Variants in CMSS1 observed in about 807,000 individuals in gnomAD.
CMSS1 encodes the protein protein CMSS1.
Under a neutral mutation model 43.5 loss-of-function variants are expected in CMSS1, and 33 were observed. The observed-to-expected ratio is 0.76, with a 90% CI of 0.57 to 1.01. The LOEUF (loss-of-function observed/expected upper bound fraction) is 1.01, where lower values mean the gene tolerates loss of function less well. Ranked by LOEUF, CMSS1 falls within the 50% of genes least tolerant of loss-of-function variation. The probability of loss-of-function intolerance (pLI) is 0.00; values close to 1 mark genes in which losing one functional copy is unlikely to be tolerated. For synonymous variants in CMSS1, 115 were observed against 117.2 expected, an observed-to-expected ratio of 0.98 and a Z score of 0.12; for missense variants, 313 against 326.4, an observed-to-expected ratio of 0.96 and a Z score of 0.32.
chr3:100,114,812 T>G (rs893141960), intron 1 of CMSS1: 2 of 590,010 alleles, frequency 3.4e-6, no homozygotes, highest in African/African-American at 3.8e-5. Context: ...TAAGCCTTGT[T>G]TGTGATTTAA....
chr3:100,094,947 C>G (rs2066178547), intron 1 of CMSS1, among the ~76,000 whole-genome samples: 1 of 152,082 alleles, frequency 6.6e-6, no homozygotes, highest in African/African-American at 2.4e-5. Context: ...CTCGGCCTCC[C>G]AAAGTGCTGG....
intron 1 of CMSS1, among the ~76,000 whole-genome samples, chr3:100,137,606 A>G (rs1401134470): frequency 2.7e-5 from 4 of 149,916 alleles, no homozygotes; most frequent in African/African-American, 9.9e-5. Context: ...TTTGTCGCCC[A>G]GGCTGGAGTG....
At chr3:100,087,832 C>CTTTT (rs755041519) in intron 1 of CMSS1, among the ~76,000 whole-genome samples, 45 of 114,098 alleles carry the variant, frequency 3.9e-4, no homozygotes, top group African/African-American at 7.1e-4. Flanking sequence ...ATTGTTTCAA[C>CTTTT]TTTTTTTTTT....
chr3:100,039,255 CA>C (rs1478868566), intron 1 of CMSS1, among the ~76,000 whole-genome samples: 2 of 152,242 alleles, frequency 1.3e-5, no homozygotes, highest in Middle Eastern at 3.4e-3. Context: ...AACTTGACCT[CA>C]AAAAACTGAG....
intron 1 of CMSS1, among the ~76,000 whole-genome samples, chr3:100,068,899 G>C (rs1017921558): frequency 6.6e-6 from 1 of 152,164 alleles, no homozygotes; most frequent in Non-Finnish European, 1.5e-5. Context: ...GAATTCACAG[G>C]TACCACTCCC....
intron 1 of CMSS1, among the ~76,000 whole-genome samples, chr3:99,918,176 C>T (rs1292940644): frequency 1.3e-5 from 2 of 152,136 alleles, no homozygotes; most frequent in Admixed American, 6.5e-5. Flanking sequence ...CAGGGTTTCA[C>T]CATTTTGGCC....
chr3:100,125,253 C>G (rs1056490547), intron 1 of CMSS1, among the ~76,000 whole-genome samples: 1 of 152,186 alleles, frequency 6.6e-6, no homozygotes, highest in African/African-American at 2.4e-5. Flanking sequence ...TCAATTTCTT[C>G]AGTCATCTTT....
At chr3:100,154,248 A>C (rs777319354) in intron 2 of CMSS1, among the ~76,000 whole-genome samples, 12 of 151,882 alleles carry the variant, frequency 7.9e-5, no homozygotes, top group Non-Finnish European at 1.6e-4. Context: ...TTTTTTTTAC[A>C]TTTTTAATTG....
intron 1 of CMSS1, among the ~76,000 whole-genome samples, chr3:99,954,803 G>A (rs138917511): frequency 0.011 from 1,700 of 151,536 alleles, 17 homozygotes; most frequent in African/African-American, 0.025. Flanking sequence ...TCCAGCCTGA[G>A]CCACAGAGCA....
intron 1 of CMSS1, among the ~76,000 whole-genome samples, chr3:100,026,264 T>C (rs908941038): frequency 2.6e-5 from 4 of 152,116 alleles, no homozygotes; most frequent in African/African-American, 9.7e-5. Flanking sequence ...TGGGCAAATT[T>C]ATGTTATATT....
At chr3:100,146,888 A>C in intron 1 of CMSS1, 85 bp from the exon 2 acceptor site, 2 of 1,503,862 alleles carry the variant, frequency 1.3e-6, no homozygotes, top group Non-Finnish European at 1.8e-6. Flanking sequence ...GTGAAGAGAT[A>C]GAACCTTCTA....
chr3:100,138,264 T>C (rs1481822297), intron 1 of CMSS1, among the ~76,000 whole-genome samples: 1 of 152,188 alleles, frequency 6.6e-6, no homozygotes, highest in Non-Finnish European at 1.5e-5. Context: ...GGCAGTACCA[T>C]TCAGGACATA....
At chr3:100,007,212 C>T (rs1037635667) in intron 1 of CMSS1, among the ~76,000 whole-genome samples, 1 of 152,098 alleles carries the variant, frequency 6.6e-6, no homozygotes, top group South Asian at 2.1e-4. Context: ...TTTCTATTTT[C>T]TCTTCATGAC....
intron 1 of CMSS1, among the ~76,000 whole-genome samples, chr3:99,936,651 C>A (rs1441932868): frequency 6.7e-6 from 1 of 149,784 alleles, no homozygotes; most frequent in Non-Finnish European, 1.5e-5. Flanking sequence ...GGATTACAGG[C>A]ATGAGCCACC....
At chr3:100,144,577 C>CTCATTACA (rs1164820078) in intron 1 of CMSS1, among the ~76,000 whole-genome samples, 3 of 152,202 alleles carry the variant, frequency 2.0e-5, no homozygotes, top group Non-Finnish European at 4.4e-5. Flanking sequence ...CATGGGGTGC[C>CTCATTACA]TCATTACACC....
chr3:100,031,457 A>C (rs1476752212), intron 1 of CMSS1, among the ~76,000 whole-genome samples: 1 of 152,068 alleles, frequency 6.6e-6, no homozygotes, highest in Non-Finnish European at 1.5e-5. Flanking sequence ...ATGGTGATCT[A>C]GTAAGTGAGT....
At chr3:100,125,636 C>CTCT (rs1269354190) in intron 1 of CMSS1, among the ~76,000 whole-genome samples, 2 of 151,996 alleles carry the variant, frequency 1.3e-5, no homozygotes, top group Non-Finnish European at 2.9e-5. Context: ...TTCCACTTGT[C>CTCT]TCTCTCTTTT....
At chr3:99,874,570 A>G (rs1295243479) in intron 1 of CMSS1, 1 of 152,220 alleles carries the variant, frequency 6.6e-6, no homozygotes, top group South Asian at 2.1e-4. Flanking sequence ...AGGCCAAATA[A>G]CATATAATTT....
At chr3:100,158,774 C>T (rs148703486) in intron 2 of CMSS1, among the ~76,000 whole-genome samples, 2 of 152,218 alleles carry the variant, frequency 1.3e-5, no homozygotes, top group African/African-American at 4.8e-5. Flanking sequence ...TTAAAGAGTC[C>T]ATATTCTTAC....
Sources: gnomAD v4.1 joint callset for allele counts (sites outside exome capture counted in the v4.1 genomes callset) on GRCh38, gnomAD v4.1.1 for gene constraint, MANE v1.5 for transcripts, NCBI Gene and HGNC (gene_info 2026-07-23, HGNC 2026-07-21) for gene names.